RAP1GAP2: variants seen among roughly 807,000 people sequenced by gnomAD.
RAP1GAP2 encodes the protein rap1 GTPase-activating protein 2.
In RAP1GAP2, 27 loss-of-function variants were observed where a neutral mutation model predicts 95.0. The ratio of observed to expected loss-of-function variants is 0.28; its 90% CI spans 0.21 to 0.39. The LOEUF is 0.39. RAP1GAP2 is among the 10% of genes least tolerant of loss of function. The pLI is 1.00. For missense variants in RAP1GAP2, 771 were observed against 970.0 expected (o/e 0.79, Z 2.72); for synonymous variants, 373 against 380.9 (o/e 0.98, Z 0.24).
chr17:2,942,498 A>G (rs2043534439), intron 3 of RAP1GAP2, among the ~76,000 whole-genome samples: 1 of 152,014 alleles, frequency 6.6e-6, no homozygotes, highest in South Asian at 2.1e-4. Context: ...AAAAAATTGG[A>G]TTTCTGGCTT....
chr17:2,911,374 G>A (rs1185804419), intron 3 of RAP1GAP2, among the ~76,000 whole-genome samples: 1 of 151,942 alleles, frequency 6.6e-6, no homozygotes, highest in African/African-American at 2.4e-5. Context: ...GGTGCCGGGT[G>A]GGCTGGGAGA....
At chr17:3,016,456 C>T (rs769898509) in intron 17 of RAP1GAP2, among the ~76,000 whole-genome samples, 4 of 152,220 alleles carry the variant, frequency 2.6e-5, no homozygotes, top group South Asian at 2.1e-4. Context: ...AGATAATATT[C>T]GTGTCCAGGA....
chr17:2,865,744 G>T (rs2072589570), intron 2 of RAP1GAP2, among the ~76,000 whole-genome samples: 1 of 152,176 alleles, frequency 6.6e-6, no homozygotes, highest in Non-Finnish European at 1.5e-5. Flanking sequence ...ATGGAGGCAG[G>T]ACTCAGCCGT....
chr17:2,768,473 C>T (rs1431648830), intron 1 of RAP1GAP2, among the ~76,000 whole-genome samples: 1 of 152,060 alleles, frequency 6.6e-6, no homozygotes, highest in Non-Finnish European at 1.5e-5. Context: ...GGGCGGATCA[C>T]CTGAGGTCAG....
chr17:3,026,964 C>T lies in RAP1GAP2; in HGVS notation c.2001C>T (p.Thr667=). 1 of 1,553,370 alleles carries T rather than the reference C, an allele frequency of 6.4e-7. No individual in the cohort carries two copies. Among genetic ancestry groups the T allele is most frequent in the East Asian group, 2.4e-5 (1 of 41,054 alleles). ...CTCAGGGCAGCCAGCCGTCCACGAC[C>T]TCACCCTTCAAGCAGGAGGTGTTTG... ...GDSGGSQPST[T]SPFKQEVFVY... The change falls in exon 22 of 25, where the codon ACC becomes ACT. Residue 667 remains threonine, a synonymous_variant. Coordinates refer to ENST00000254695, the MANE Select transcript of RAP1GAP2 (RefSeq NM_015085.5).
At chr17:2,820,759 C>T (rs577362154) in intron 2 of RAP1GAP2, among the ~76,000 whole-genome samples, 103 of 151,866 alleles carry the variant, frequency 6.8e-4, no homozygotes, top group Non-Finnish European at 9.9e-4. Flanking sequence ...TATTTTGAGA[C>T]GGAGTCTCAC....
In RAP1GAP2 at chr17:2,758,244, T is replaced by A. The variant is rs1332301700; in HGVS notation, c.50+2477T>A. Among the ~76,000 whole-genome samples, 13 of 142,294 alleles carry A rather than the reference T, an allele frequency of 9.1e-5. No individual in the cohort carries two copies. In the South Asian group the frequency reaches 3.1e-3, roughly 34 times the overall value. 93.4% of individuals were successfully genotyped at this position (142,294 alleles called of 152,430 possible). A position where few individuals can be genotyped will look rare whatever the true frequency, so the allele number is the denominator to read the frequency against. ...AGGCTGGAGTGCAGTGGTGTGATCTTGGCTTACTGCAACCTGTGCCTCCTG... is the reference window on the plus strand; with the variant it reads ...AGGCTGGAGTGCAGTGGTGTGATCTAGGCTTACTGCAACCTGTGCCTCCTG... On this transcript the variant is annotated intron_variant, in intron 1 of 25. Transcript: ENST00000637138.
chr17:2,938,623 A>G (rs1261924698), intron 3 of RAP1GAP2, among the ~76,000 whole-genome samples: 1 of 152,102 alleles, frequency 6.6e-6, no homozygotes, highest in Non-Finnish European at 1.5e-5. Flanking sequence ...GAGCACTGCT[A>G]TCTTTATTTA....
At chr17:2,987,417 G>A (rs139198545) in intron 11 of RAP1GAP2, among the ~76,000 whole-genome samples, 1 of 152,224 alleles carries the variant, frequency 6.6e-6, no homozygotes, top group East Asian at 1.9e-4. Context: ...AAGCTGGAGT[G>A]CAAAGGTGTG....
upstream of RAP1GAP2, among the ~76,000 whole-genome samples, chr17:2,794,514 C>T (rs1597319946): frequency 6.6e-6 from 1 of 152,310 alleles, no homozygotes; most frequent in Non-Finnish European, 1.5e-5. Context: ...AGAGCATGAA[C>T]CACACAATCC....
chr17:2,876,664 C>T (rs1567733221), intron 2 of RAP1GAP2, among the ~76,000 whole-genome samples: 1 of 152,070 alleles, frequency 6.6e-6, no homozygotes, highest in Non-Finnish European at 1.5e-5. Flanking sequence ...TTCTTATAGA[C>T]CTGGAGTCTG....
chr17:2,787,424 T>A (rs1597307029), intron 1 of RAP1GAP2, among the ~76,000 whole-genome samples: 4 of 152,100 alleles, frequency 2.6e-5, no homozygotes, highest in Admixed American at 2.6e-4. Context: ...CTGGCTAATT[T>A]AAAAAAATTT....
At chr17:2,755,688 C>A (rs2071125319), upstream of RAP1GAP2, 2 of 303,218 alleles carry the variant, frequency 6.6e-6, no homozygotes, top group South Asian at 2.9e-4. Flanking sequence ...CCGTGCGGCC[C>A]GCGGAGGGCA....
Position 2,904,542 on chromosome 17 carries a change from G to A in RAP1GAP2, c.81-742G>A, listed in dbSNP as rs2042131798. ...TTTTGACCAGGGCCTGTGTGTGTGTGTGTGTGTGTGTGTGTGTGTGTGTGT... is the reference window on the plus strand; with the variant it reads ...TTTTGACCAGGGCCTGTGTGTGTGTATGTGTGTGTGTGTGTGTGTGTGTGT... On this transcript the variant is annotated intron_variant, in intron 2 of 24. Coordinates refer to ENST00000254695, the MANE Select transcript of RAP1GAP2 (RefSeq NM_015085.5). This position sits in a 1 kb window ranked among gnomAD's most constrained non-coding sequence, Gnocchi z 4.7. 6.6e-6 allele frequency among the ~76,000 whole-genome samples: 1 copy of A among 150,732 alleles called. No individual in the cohort carries two copies. The highest frequency in any genetic ancestry group is 2.1e-4 in the South Asian group (1 of 4,746).
chr17:2,762,266 C>T (rs1228398296), intron 1 of RAP1GAP2, among the ~76,000 whole-genome samples: 1 of 151,806 alleles, frequency 6.6e-6, no homozygotes, highest in African/African-American at 2.4e-5. Context: ...GGATTACAGG[C>T]GTGAGCCACT....
chr17:2,811,357 A>G (rs1358154098), intron 2 of RAP1GAP2, among the ~76,000 whole-genome samples: 1 of 152,154 alleles, frequency 6.6e-6, no homozygotes, highest in East Asian at 1.9e-4. Flanking sequence ...CGATAGGACA[A>G]CACAGAGGTG....
At chr17:2,943,658 CTG>C (rs904381772) in intron 3 of RAP1GAP2, among the ~76,000 whole-genome samples, 2 of 138,786 alleles carry the variant, frequency 1.4e-5, no homozygotes, top group African/African-American at 5.5e-5. Flanking sequence ...GAGCAAGACT[CTG>C]TCTCCAAAAC....
At chr17:3,025,143 G>A (rs1206730496) in intron 19 of RAP1GAP2, among the ~76,000 whole-genome samples, 3 of 152,180 alleles carry the variant, frequency 2.0e-5, no homozygotes, top group Admixed American at 2.0e-4. Context: ...CTGGGAGCCC[G>A]ATACAGGCAG....
upstream of RAP1GAP2, among the ~76,000 whole-genome samples, chr17:2,796,100 A>G (rs189606732): frequency 1.1e-3 from 168 of 152,254 alleles, no homozygotes; most frequent in African/African-American, 3.9e-3. This position sits in a 1 kb window ranked among gnomAD's most constrained non-coding sequence, Gnocchi z 4.7. Context: ...GAAGGTCCCC[A>G]GTGCTCAGGC....
Sources: gnomAD v4.1 joint callset for allele counts (sites outside exome capture counted in the v4.1 genomes callset) on GRCh38, gnomAD v4.1.1 for gene constraint, Gnocchi (gnomAD v3.1) non-coding constraint, MANE v1.5 for transcripts, NCBI Gene and HGNC (gene_info 2026-07-23, HGNC 2026-07-21) for gene names.